The following ADCY2 variants were observed in gnomAD, a reference collection of about 807,000 sequenced individuals.
The protein encoded by ADCY2 is adenylate cyclase 2.
Under a neutral mutation model 125.2 loss-of-function variants are expected in ADCY2, and 31 were observed. The ratio of observed to expected loss-of-function variants is 0.25; its 90% CI spans 0.19 to 0.33. The LOEUF is 0.33. Ranked by LOEUF, ADCY2 falls within the 10% of genes least tolerant of loss-of-function variation. The pLI, the probability that ADCY2 is intolerant of heterozygous loss-of-function variation, is 1.00. For synonymous variants in ADCY2, 512 were observed against 548.4 expected, an observed-to-expected ratio of 0.93 and a Z score of 0.93; for missense variants, 904 against 1,418.2, an observed-to-expected ratio of 0.64 and a Z score of 5.82.
chr5:7,724,535 C>G lies in ADCY2; in HGVS notation c.1704-10C>G. 6.2e-7 allele frequency: 1 copy of G among 1,605,722 alleles called. No homozygotes were observed. Among genetic ancestry groups the G allele is most frequent in the Non-Finnish European group, 8.5e-7 (1 of 1,175,384 alleles). On this transcript the variant is annotated splice_polypyrimidine_tract_variant and intron_variant, in intron 12 of 24. Transcript: ENST00000338316. ...CAGTTTTATGATGTGTTGGCCCTTT[C>G]TATTTCCAGGCAATGGCTCAAGTCT...
At chr5:7,697,969 C>A (rs76036870) in intron 6 of ADCY2, among the ~76,000 whole-genome samples, 2,899 of 152,298 alleles carry the variant, frequency 0.019, 99 homozygotes, top group African/African-American at 0.066. Flanking sequence ...CCATCACCAT[C>A]CTTCTCTGCT....
intron 2 of ADCY2, among the ~76,000 whole-genome samples, chr5:7,426,973 C>T (rs894879587): frequency 6.6e-6 from 1 of 152,186 alleles, no homozygotes; most frequent in African/African-American, 2.4e-5. Flanking sequence ...TTGTCTGCTG[C>T]ATTCATGTCC....
chr5:7,757,665 A>G, intron 16 of ADCY2, 79 bp downstream of exon 16: 2 of 1,520,740 alleles, frequency 1.3e-6, no homozygotes, highest in South Asian at 1.3e-5. Context: ...GCCCCAGACC[A>G]CAGCCGTGTT....
chr5:7,441,154 A>G (rs1239796565), intron 2 of ADCY2, among the ~76,000 whole-genome samples: 1 of 152,170 alleles, frequency 6.6e-6, no homozygotes, highest in Non-Finnish European at 1.5e-5. Context: ...GAGGGACACA[A>G]ACTTCTTGAC....
intron 2 of ADCY2, among the ~76,000 whole-genome samples, chr5:7,433,685 T>A (rs1740691983): frequency 1.3e-5 from 2 of 152,072 alleles, no homozygotes; most frequent in South Asian, 4.1e-4. Context: ...TTTTAATAAA[T>A]CAAATAATAG....
Position 7,826,773 on chromosome 5 carries a change from C to T in ADCY2, c.3178C>T (p.Arg1060Ter), listed in dbSNP as rs1745494853. 1 of 1,613,982 alleles carries T rather than the reference C, an allele frequency of 6.2e-7. No homozygotes were observed. The highest frequency in any genetic ancestry group is 8.5e-7 in the Non-Finnish European group (1 of 1,180,022). The change falls in exon 25 of 25, where the codon CGA (arginine) becomes TGA (stop). Residue 1060 changes from arginine to a stop codon, truncating the protein, a stop_gained. Transcript: ENST00000338316. LOFTEE classifies it high-confidence loss of function. Reference protein sequence around the residue: ...LQTLGYTCTCRGIINVKGKGD... With the variant: ...LQTLGYTCTC The stretch of plus-strand genomic sequence containing the variant: ...GACCCTCGGATACACGTGCACCTGT[C>T]GAGGAATAATCAACGTGAAAGGAAA...
chr5:7,437,163 G>A (rs1483219657), intron 2 of ADCY2, among the ~76,000 whole-genome samples: 2 of 152,216 alleles, frequency 1.3e-5, no homozygotes, highest in African/African-American at 4.8e-5. Context: ...TTTACAAAGT[G>A]CTGGTGTTCA....
At chr5:7,498,704 C>A (rs892053310) in intron 2 of ADCY2, among the ~76,000 whole-genome samples, 1 of 152,138 alleles carries the variant, frequency 6.6e-6, no homozygotes, top group Admixed American at 6.5e-5. Flanking sequence ...AAAATATATT[C>A]ATCAAAGATA....
chr5:7,562,664 C>T (rs1015679406), intron 3 of ADCY2, among the ~76,000 whole-genome samples: 6 of 152,064 alleles, frequency 3.9e-5, no homozygotes, highest in Non-Finnish European at 7.3e-5. Context: ...CACACACACA[C>T]GGCCTTAGTA....
rs762053864 is a variant in ADCY2 at position 7,673,772 on chromosome 5, G to A, written c.721-16919G>A. 2.8e-4 allele frequency among the ~76,000 whole-genome samples: 43 copies of A among 152,276 alleles called. 1 individual carries two copies. Among genetic ancestry groups the A allele is most frequent in the Non-Finnish European group, 5.4e-4 (37 of 68,024 alleles). On this transcript the variant is annotated intron_variant, in intron 4 of 24. Coordinates refer to ENST00000338316, the MANE Select transcript of ADCY2 (RefSeq NM_020546.3). ...GGGGAAGCTGAGACCCTGACAATAC[G>A]TAGTAGCCAGAGGCCTCAGAGCAGG...
chr5:7,741,837 C>T (rs538403094), intron 14 of ADCY2, among the ~76,000 whole-genome samples: 41 of 151,818 alleles, frequency 2.7e-4, no homozygotes, highest in African/African-American at 8.7e-4. Flanking sequence ...TCACCATCCT[C>T]ATCATCGTCA....
intron 2 of ADCY2, among the ~76,000 whole-genome samples, chr5:7,479,344 CCAA>C (rs1285933071): frequency 6.6e-6 from 1 of 152,064 alleles, no homozygotes; most frequent in Non-Finnish European, 1.5e-5. Context: ...AGAAGAAAAT[CCAA>C]CAACTGTCTC....
In ADCY2 at chr5:7,789,816, C is replaced by A; in HGVS notation, c.2628+16C>A. 5 of 277,322 alleles carry A rather than the reference C, an allele frequency of 1.8e-5. No homozygotes were observed. Among genetic ancestry groups the A allele is most frequent in the South Asian group, 3.2e-5 (1 of 31,090 alleles). 17.2% of individuals were successfully genotyped at this position (277,322 alleles called of 1,614,324 possible). On this transcript the variant is annotated intron_variant, in intron 20 of 24. Transcript: ENST00000338316. The stretch of plus-strand genomic sequence containing the variant: ...GAAGAATGAGGTCAGACCAGGGGGG[C>A]TGGGGGCTGGGGGAGGGGGCTGGAT...
intron 17 of ADCY2, among the ~76,000 whole-genome samples, chr5:7,772,700 T>G (rs1229602586): frequency 6.6e-6 from 1 of 151,954 alleles, no homozygotes; most frequent in East Asian, 1.9e-4. Flanking sequence ...TACATGCTTC[T>G]TTTTATTTAT....
chr5:7,723,099 A>G (rs1026444042), intron 12 of ADCY2, among the ~76,000 whole-genome samples: 1 of 133,092 alleles, frequency 7.5e-6, no homozygotes, highest in African/African-American at 2.7e-5. Flanking sequence ...GAGAGATGAG[A>G]ACACACGGAC....
intron 14 of ADCY2, among the ~76,000 whole-genome samples, chr5:7,742,361 A>T (rs1742465305): frequency 1.3e-5 from 2 of 152,092 alleles, no homozygotes; most frequent in Non-Finnish European, 2.9e-5. Context: ...ACTAGTCAAC[A>T]ATCTAGGTGT....
At chr5:7,411,073 G>C (rs988471436) in intron 1 of ADCY2, among the ~76,000 whole-genome samples, 4 of 152,174 alleles carry the variant, frequency 2.6e-5, no homozygotes, top group African/African-American at 9.7e-5. Context: ...ACATCCTCTA[G>C]TGAATACTCT....
intron 23 of ADCY2, 101 bp downstream of exon 23, chr5:7,817,081 C>T (rs1745136099): frequency 1.2e-6 from 1 of 851,206 alleles, no homozygotes; most frequent in Admixed American, 2.1e-5. Context: ...TGGAGTAGAA[C>T]AATTACAAAT....
At chr5:7,708,433 T>C (rs1741334597) in intron 9 of ADCY2, among the ~76,000 whole-genome samples, 1 of 152,134 alleles carries the variant, frequency 6.6e-6, no homozygotes, top group Non-Finnish European at 1.5e-5. Flanking sequence ...TCACACCACA[T>C]TTAGGCCAGA....
Sources: gnomAD v4.1 joint callset for allele counts (sites outside exome capture counted in the v4.1 genomes callset) on GRCh38, gnomAD v4.1.1 for gene constraint, MANE v1.5 for transcripts, NCBI Gene and HGNC (gene_info 2026-07-23, HGNC 2026-07-21) for gene names.